SEL1L3: variants seen among roughly 807,000 people sequenced by gnomAD.
The protein encoded by SEL1L3 is SEL1L family member 3.
SEL1L3 carries 76 observed loss-of-function variants against 142.8 expected under a neutral mutation model. That is an observed-to-expected ratio of 0.53 (90% CI 0.44 to 0.64). The LOEUF is 0.64. Among genes scored for constraint, SEL1L3 ranks in the 30% least tolerant of loss-of-function variants. SEL1L3 has a pLI of 0.00. For synonymous variants in SEL1L3, 504 were observed against 519.6 expected (o/e 0.97, Z 0.41); for missense variants, 1,262 against 1,381.7 (o/e 0.91, Z 1.37).
At chr4:25,737,457 C>G in the SEL1L3 span, among the ~76,000 whole-genome samples, 1 of 152,122 alleles carries the variant, frequency 6.6e-6, no homozygotes, top group African/African-American at 2.4e-5. Flanking sequence ...ATGTGGGAGA[C>G]AGAGCAAGCT....
Position 25,782,238 on chromosome 4 carries a change from T to A in SEL1L3, c.2457+4A>T. On this transcript the variant is annotated splice_donor_region_variant and intron_variant, in intron 15 of 23. Coordinates refer to ENST00000399878, the MANE Select transcript of SEL1L3 (RefSeq NM_015187.5). ...TTGCAGAGTGGGTCTCAAGTCCTAC[T>A]CACTTGATTCCTTCCAGGAACTCCA... 1 of 1,611,976 alleles carries A rather than the reference T, an allele frequency of 6.2e-7. No individual in the cohort carries two copies. Among genetic ancestry groups the A allele is most frequent in the Non-Finnish European group, 8.5e-7 (1 of 1,178,408 alleles).
intron 9 of SEL1L3, among the ~76,000 whole-genome samples, chr4:25,810,981 T>C (rs1421265363): frequency 2.6e-5 from 4 of 152,222 alleles, no homozygotes; most frequent in Non-Finnish European, 4.4e-5. Context: ...CTGTGTCTTA[T>C]ACCAGGTTAG....
chr4:25,723,894 T>C, the SEL1L3 span, among the ~76,000 whole-genome samples: 3 of 152,172 alleles, frequency 2.0e-5, no homozygotes, highest in Non-Finnish European at 4.4e-5. Flanking sequence ...TTTATTCACA[T>C]AGCAAACATC....
chr4:25,758,000 T>C (rs1026479170), intron 21 of SEL1L3: 134 of 584,286 alleles, frequency 2.3e-4, no homozygotes, highest in Middle Eastern at 9.2e-4. Flanking sequence ...AGTAGAAATT[T>C]TAGAAAAAGG....
At chr4:25,720,098 A>G in the SEL1L3 span, 1 of 152,214 alleles carries the variant, frequency 6.6e-6, no homozygotes, top group African/African-American at 2.4e-5. Context: ...CTATTTACCA[A>G]TTCAACTCAG....
At chr4:25,741,464 A>G in the SEL1L3 span, among the ~76,000 whole-genome samples, 1 of 151,988 alleles carries the variant, frequency 6.6e-6, no homozygotes, top group African/African-American at 2.4e-5. Context: ...TTTAATTTGT[A>G]TTTCTTTGAC....
chr4:25,794,030 T>C (rs905343115), intron 11 of SEL1L3, among the ~76,000 whole-genome samples: 3 of 152,226 alleles, frequency 2.0e-5, no homozygotes, highest in African/African-American at 7.2e-5. Context: ...TAACTCAAGA[T>C]GGACTAAATA....
rs76078629 is a variant in SEL1L3 at position 25,787,246 on chromosome 4, C to T, written c.2217+978G>A. ...TCATAATACACCAAGGTACCAACCT[C>T]GTAAGTTGGTTGTGAGGATTTAATG... is the stretch of plus-strand genomic sequence containing the variant. On this transcript the variant is annotated intron_variant, in intron 13 of 23. Coordinates refer to ENST00000399878, the MANE Select transcript of SEL1L3 (RefSeq NM_015187.5). Among the ~76,000 whole-genome samples the T allele has an allele frequency of 8.4e-3, 1,274 of 152,304 alleles. 20 individuals are homozygous for T. Among genetic ancestry groups the T allele is most frequent in the African/African-American group, 0.029 (1,224 of 41,552 alleles).
chr4:25,726,149 G>A, the SEL1L3 span, among the ~76,000 whole-genome samples: 38 of 151,876 alleles, frequency 2.5e-4, no homozygotes, highest in East Asian at 6.2e-3. Flanking sequence ...ACTTCCTGAA[G>A]GAGAGGAAAC....
At chr4:25,825,073 T>C (rs1204079772) in intron 6 of SEL1L3, among the ~76,000 whole-genome samples, 5 of 152,224 alleles carry the variant, frequency 3.3e-5, no homozygotes, top group Non-Finnish European at 5.9e-5. Context: ...AATGAATATA[T>C]ACATATATAT....
At chr4:25,794,427 A>T (rs1001310571) in intron 11 of SEL1L3, among the ~76,000 whole-genome samples, 1 of 152,198 alleles carries the variant, frequency 6.6e-6, no homozygotes, top group Non-Finnish European at 1.5e-5. Context: ...AGGGGAAAAA[A>T]AGCTCAACAT....
At chr4:25,720,515 A>C in the SEL1L3 span, 1 of 152,274 alleles carries the variant, frequency 6.6e-6, no homozygotes, top group African/African-American at 2.4e-5. Flanking sequence ...AAAGAGTAGG[A>C]TCCTCATCAG....
At chr4:25,829,126 C>G (rs973175590) in intron 6 of SEL1L3, among the ~76,000 whole-genome samples, 3 of 152,186 alleles carry the variant, frequency 2.0e-5, no homozygotes, top group African/African-American at 7.2e-5. Flanking sequence ...GCATGCGCCA[C>G]CACGCTAGGC....
chr4:25,826,366 G>A (rs1209921469), intron 6 of SEL1L3, among the ~76,000 whole-genome samples: 1 of 152,158 alleles, frequency 6.6e-6, no homozygotes, highest in East Asian at 1.9e-4. Flanking sequence ...TTATGTTTAC[G>A]TTACAGGAAC....
At chr4:25,771,961 A>G (rs923002555) in intron 17 of SEL1L3, among the ~76,000 whole-genome samples, 2 of 152,234 alleles carry the variant, frequency 1.3e-5, no homozygotes, top group African/African-American at 4.8e-5. Context: ...TTGGAACAAC[A>G]TAGAAAAGCA....
chr4:25,763,484 A>G (rs1055803725), intron 20 of SEL1L3, among the ~76,000 whole-genome samples: 1 of 152,148 alleles, frequency 6.6e-6, no homozygotes, highest in African/African-American at 2.4e-5. Flanking sequence ...GGAGTGAGAG[A>G]GATGTGGGAT....
intron 11 of SEL1L3, among the ~76,000 whole-genome samples, chr4:25,792,828 T>C (rs1313435781): frequency 6.6e-6 from 1 of 152,238 alleles, no homozygotes; most frequent in Non-Finnish European, 1.5e-5. Context: ...CAGTCTGATA[T>C]GGAAGGTGCT....
intron 2 of SEL1L3, among the ~76,000 whole-genome samples, chr4:25,839,167 A>G (rs2168521): frequency 0.25 from 38,090 of 152,126 alleles, 4,990 homozygotes; most frequent in South Asian, 0.3. Flanking sequence ...GTGGCCAATA[A>G]GGTGTTTAAT....
In SEL1L3 at chr4:25,767,604, C is replaced by T. The variant is rs1201261333; in HGVS notation, c.2766G>A (p.Leu922=). ...AGTTAACACCCAAGTATCTCCTGGC[C>T]AGGTCCTAAGGGGTAAAGGGAAGAA... The part of the protein sequence containing the change: ...LAHICEERPD[L]ARRYLGVNCV... The change falls in exon 19 of 24, where the codon CTG becomes CTA. Residue 922 remains leucine, a synonymous_variant. Transcript: ENST00000399878. 1.3e-6 allele frequency: 2 copies of T among 1,596,660 alleles called. No individual in the cohort carries two copies. The highest frequency in any genetic ancestry group is 1.7e-6 in the Non-Finnish European group (2 of 1,168,350).
Sources: allele counts gnomAD v4.1 joint callset (sites outside exome capture counted in the v4.1 genomes callset), GRCh38; gene constraint gnomAD v4.1.1; transcripts MANE v1.5; gene names NCBI Gene and HGNC (gene_info 2026-07-23, HGNC 2026-07-21).